Variants in THTPA observed in about 807,000 individuals in gnomAD.
THTPA encodes thiamine triphosphatase.
Under a neutral mutation model 16.5 loss-of-function variants are expected in THTPA, and 16 were observed. That is an observed-to-expected ratio of 0.97 (90% CI 0.66 to 1.47). The LOEUF (loss-of-function observed/expected upper bound fraction) is 1.47, where lower values mean the gene tolerates loss of function less well. Ranked by LOEUF, THTPA falls within the 40% of genes most tolerant of loss-of-function variation. The pLI, the probability that THTPA is intolerant of heterozygous loss-of-function variation, is 0.00. For missense variants in THTPA, 281 were observed against 280.9 expected (o/e 1.00, Z 0.00); for synonymous variants, 110 against 115.5 (o/e 0.95, Z 0.30).
At chr14:23,544,116 G>C in the THTPA span, 1 of 151,986 alleles carries the variant, frequency 6.6e-6, no homozygotes, top group African/African-American at 2.4e-5. Context: ...TGAGCCGGGC[G>C]TGGTGGCATG....
the THTPA span, chr14:23,548,548 G>C: frequency 6.6e-6 from 1 of 152,220 alleles, no homozygotes; most frequent in African/African-American, 2.4e-5. Context: ...GACATCAGAG[G>C]CTTGAGGTCT....
At chr14:23,554,838 G>A (rs1380666735), upstream of THTPA, among the ~76,000 whole-genome samples, 2 of 152,148 alleles carry the variant, frequency 1.3e-5, no homozygotes, top group Non-Finnish European at 2.9e-5. Context: ...AAGAGCCACG[G>A]TTCCTCAGGG....
upstream of THTPA, among the ~76,000 whole-genome samples, chr14:23,552,595 G>A (rs949025179): frequency 1.1e-4 from 17 of 150,324 alleles, no homozygotes; most frequent in Admixed American, 9.3e-4. Flanking sequence ...CGCCCAGCCC[G>A]TTTTTTTGTT....
At chr14:23,526,203 G>A in the THTPA span, 4 of 1,536,532 alleles carry the variant, frequency 2.6e-6, no homozygotes, top group Non-Finnish European at 3.5e-6. Context: ...CACTTAAAGG[G>A]CTTGTCTGTG....
At chr14:23,558,050 C>T (rs1882694447) in intron 1 of THTPA, among the ~76,000 whole-genome samples, 1 of 152,238 alleles carries the variant, frequency 6.6e-6, no homozygotes, top group South Asian at 2.1e-4. Flanking sequence ...GACAGTTCAT[C>T]CACACTAGGA....
the THTPA span, chr14:23,532,944 T>G: frequency 1.3e-6 from 2 of 1,536,074 alleles, no homozygotes. Flanking sequence ...CTGTCTGTGC[T>G]GAAGGCCTGG....
the THTPA span, chr14:23,533,501 G>T: frequency 6.5e-7 from 1 of 1,536,088 alleles, no homozygotes; most frequent in South Asian, 1.2e-5. The surrounding 1 kb of genome is among the most constrained non-coding windows in gnomAD (Gnocchi z 4.8). Flanking sequence ...AATCCAGGTG[G>T]CAGGCCCAGC....
chr14:23,531,587 C>G, the THTPA span: 1 of 1,526,750 alleles, frequency 6.5e-7, no homozygotes, highest in Admixed American at 2.0e-5. Context: ...GCCTCTGGGC[C>G]TGGGCATCGC....
the THTPA span, chr14:23,528,944 G>T: frequency 1.7e-6 from 1 of 591,928 alleles, no homozygotes; most frequent in Non-Finnish European, 2.1e-6. Flanking sequence ...TCATCTTAAC[G>T]CACCTAGCCC....
Position 23,556,720 on chromosome 14 carries a change from G to T in THTPA, c.-38G>T. ...TGAGCACCAGGCTTTGCATCCTTGG[G>T]AACTCAGCAAACGTTTGTTCAGCCA... On this transcript the variant is annotated 5_prime_UTR_variant, in exon 1 of 2. Transcript: ENST00000288014. The T allele has an allele frequency of 6.3e-7, 1 of 1,587,688 alleles. No individual in the cohort carries two copies. The highest frequency in any genetic ancestry group is 1.2e-5 in the South Asian group (1 of 85,438).
At chr14:23,527,783 TGCAGTATGGACA>T in the THTPA span, 1 of 1,535,890 alleles carries the variant, frequency 6.5e-7, no homozygotes. Flanking sequence ...CTCAGGAAGC[TGCAGTATGGACA>T]GCAGTATACC....
chr14:23,522,792 C>T, the THTPA span: 1 of 1,536,320 alleles, frequency 6.5e-7, no homozygotes, highest in Non-Finnish European at 8.7e-7. Context: ...GGGCCTGGGA[C>T]AGGGTCAGTG....
chr14:23,533,314 C>T, the THTPA span: 120 of 1,437,976 alleles, frequency 8.3e-5, no homozygotes, highest in Non-Finnish European at 1.1e-4. This position sits in a 1 kb window ranked among gnomAD's most constrained non-coding sequence, Gnocchi z 4.8. Flanking sequence ...GGCAGGTGCT[C>T]CTACGTGGTG....
upstream of THTPA, among the ~76,000 whole-genome samples, chr14:23,554,586 C>G (rs770754458): frequency 6.7e-6 from 1 of 149,830 alleles, no homozygotes; most frequent in Admixed American, 6.7e-5. Context: ...CAGGGTCTTC[C>G]TATGTTGCCC....
upstream of THTPA, among the ~76,000 whole-genome samples, chr14:23,552,916 A>G (rs184370292): frequency 1.7e-4 from 26 of 152,174 alleles, no homozygotes; most frequent in African/African-American, 5.3e-4. Flanking sequence ...CTGTATTCTA[A>G]TAATAATTTT....
At chr14:23,541,023 T>C in the THTPA span, among the ~76,000 whole-genome samples, 1 of 151,930 alleles carries the variant, frequency 6.6e-6, no homozygotes, top group African/African-American at 2.4e-5. Context: ...CTCCCTGCCA[T>C]AGCCTCCCGA....
upstream of THTPA, chr14:23,551,451 T>G (rs1450048480): frequency 6.6e-6 from 1 of 152,316 alleles, no homozygotes; most frequent in Non-Finnish European, 1.5e-5. The surrounding 1 kb of genome is among the most constrained non-coding windows in gnomAD (Gnocchi z 5.3). Context: ...TGTTGATTCC[T>G]CTTTTTTCCC....
In THTPA at chr14:23,556,770, T is replaced by G. The variant is rs1404652960; in HGVS notation, c.13T>G (p.Leu5Val). ...AATTGCAGGTAGCATGGCCCAGGGC[T>G]TGATTGAGGTGGAGCGAAAGTTCCT... MAQGLIEVERKFLPG... is the reference protein window; with the variant it reads MAQGVIEVERKFLPG... Residue 5 changes from leucine (L) to valine (V), a missense_variant, in exon 1 of 2, where the codon TTG (leucine) becomes GTG (valine). Leu to Val is a conservative substitution (Grantham distance 32). Coordinates refer to ENST00000288014, the MANE Select transcript of THTPA (RefSeq NM_024328.6). The G allele has an allele frequency of 1.9e-6, 3 of 1,613,330 alleles. No individual in the cohort carries two copies. Among genetic ancestry groups the G allele is most frequent in the Admixed American group, 1.7e-5 (1 of 59,952 alleles).
At chr14:23,546,956 C>G in the THTPA span, among the ~76,000 whole-genome samples, 1 of 152,194 alleles carries the variant, frequency 6.6e-6, no homozygotes, top group South Asian at 2.1e-4. The surrounding 1 kb of genome is among the most constrained non-coding windows in gnomAD (Gnocchi z 4.7). Context: ...GCTCTCTCCC[C>G]TGTCTTCTTT....
Sources: gnomAD v4.1 joint callset for allele counts (sites outside exome capture counted in the v4.1 genomes callset) on GRCh38, gnomAD v4.1.1 for gene constraint, Gnocchi (gnomAD v3.1) non-coding constraint, MANE v1.5 for transcripts, NCBI Gene and HGNC (gene_info 2026-07-23, HGNC 2026-07-21) for gene names.